Variants in UVRAG observed in about 807,000 individuals in gnomAD.
UVRAG encodes the protein UV radiation resistance-associated gene protein.
A neutral mutation model predicts 78.0 loss-of-function variants in UVRAG; 19 were observed. That is an observed-to-expected ratio of 0.24 (90% CI 0.17 to 0.36). The LOEUF is 0.36. UVRAG is among the 10% of genes least tolerant of loss of function. The pLI is 1.00. For synonymous variants in UVRAG, 323 were observed against 324.6 expected (o/e 1.00, Z 0.05); for missense variants, 740 against 853.8 (o/e 0.87, Z 1.66).
chr11:75,969,634 TATA>T (rs1949087870), intron 7 of UVRAG, among the ~76,000 whole-genome samples: 1 of 152,190 alleles, frequency 6.6e-6, no homozygotes, highest in African/African-American at 2.4e-5. Context: ...TCAAGCTAAA[TATA>T]ATAATGATTG....
At chr11:75,876,177 A>T (rs1946775075) in intron 3 of UVRAG, among the ~76,000 whole-genome samples, 1 of 152,158 alleles carries the variant, frequency 6.6e-6, no homozygotes, top group Non-Finnish European at 1.5e-5. Context: ...ATTATTATTT[A>T]AAAAATATTT....
chr11:76,113,609 A>G (rs567708691), intron 13 of UVRAG, among the ~76,000 whole-genome samples: 14 of 152,180 alleles, frequency 9.2e-5, no homozygotes, highest in African/African-American at 3.4e-4. Flanking sequence ...ATAATAATAT[A>G]TGTGTTATGT....
intron 6 of UVRAG, among the ~76,000 whole-genome samples, chr11:75,932,791 T>A (rs1345033355): frequency 2.6e-5 from 4 of 152,100 alleles, no homozygotes; most frequent in Non-Finnish European, 5.9e-5. Context: ...TATCTAGGAA[T>A]TAACTAAAGA....
At chr11:76,010,116 T>C (rs1357126161) in intron 11 of UVRAG, among the ~76,000 whole-genome samples, 3 of 152,216 alleles carry the variant, frequency 2.0e-5, no homozygotes, top group Admixed American at 6.5e-5. Flanking sequence ...TGTTTTGATA[T>C]TAATTTTAGG....
chr11:76,000,933 C>T (rs1044636924), intron 8 of UVRAG, among the ~76,000 whole-genome samples: 1 of 152,164 alleles, frequency 6.6e-6, no homozygotes, highest in African/African-American at 2.4e-5. Flanking sequence ...GAAACCACAA[C>T]ACTCATCCTC....
intron 11 of UVRAG, 152 bp from the exon 12 acceptor site, chr11:76,016,663 A>G (rs183044525): frequency 1.5e-3 from 1,000 of 658,602 alleles, no homozygotes; most frequent in Non-Finnish European, 2.0e-3. Flanking sequence ...TAATGTGTTT[A>G]CATTTGCATA....
chr11:75,818,136 T>C (rs925114528), intron 1 of UVRAG, among the ~76,000 whole-genome samples: 4 of 152,250 alleles, frequency 2.6e-5, no homozygotes, highest in Admixed American at 2.0e-4. Flanking sequence ...AGTCCTCCTA[T>C]GTTCTCTTCC....
At chr11:75,936,639 C>T (rs1948378471) in intron 6 of UVRAG, among the ~76,000 whole-genome samples, 1 of 152,134 alleles carries the variant, frequency 6.6e-6, no homozygotes, top group South Asian at 2.1e-4. Flanking sequence ...TTGAGTATGT[C>T]CTTACTTTCT....
intron 13 of UVRAG, 48 bp downstream of exon 13, chr11:76,065,836 T>A: frequency 6.4e-7 from 1 of 1,561,856 alleles, no homozygotes; most frequent in East Asian, 2.2e-5. Context: ...GCACAGCCTG[T>A]TTCCTTAGAT....
Position 75,985,402 on chromosome 11 carries a change from G to A in UVRAG, c.826+1889G>A, listed in dbSNP as rs1288920128. 2.6e-5 allele frequency among the ~76,000 whole-genome samples: 4 copies of A among 151,740 alleles called. No homozygotes were observed. In the South Asian group the frequency reaches 6.2e-4, roughly 24 times the overall value. ...TTTTGCCCATTAATAAAAAAAGTTT[G>A]GTTTGACTGTCTTTTTGTTTGTAAG... On this transcript the variant is annotated intron_variant, in intron 8 of 14. Coordinates refer to ENST00000356136, the MANE Select transcript of UVRAG (RefSeq NM_003369.4).
chr11:76,011,043 C>G (rs573759970), intron 11 of UVRAG, among the ~76,000 whole-genome samples: 2 of 152,150 alleles, frequency 1.3e-5, no homozygotes, highest in Non-Finnish European at 2.9e-5. Context: ...GGTCTGATTA[C>G]TCTGAGATGT....
intron 13 of UVRAG, among the ~76,000 whole-genome samples, chr11:76,089,917 G>A (rs1447411062): frequency 6.6e-6 from 1 of 152,038 alleles, no homozygotes; most frequent in African/African-American, 2.4e-5. Flanking sequence ...ACCCCGTTTT[G>A]GCCAGAAGGA....
chr11:76,011,617 C>G (rs1198940050), intron 11 of UVRAG, among the ~76,000 whole-genome samples: 1 of 152,184 alleles, frequency 6.6e-6, no homozygotes, highest in Non-Finnish European at 1.5e-5. Context: ...GAGTGAGACT[C>G]TGTCTAAAAA....
chr11:76,020,649 CTTTTTTTTTTTTTT>C (rs35112254), intron 12 of UVRAG, among the ~76,000 whole-genome samples: 20 of 52,284 alleles, frequency 3.8e-4, no homozygotes, highest in Non-Finnish European at 6.1e-4. Context: ...AAGAAGGAGT[CTTTTTTTTTTTTTT>C]TTTTTTTTTT....
intron 11 of UVRAG, among the ~76,000 whole-genome samples, chr11:76,012,321 A>G (rs34016600): frequency 6.9e-6 from 1 of 144,162 alleles, no homozygotes; most frequent in South Asian, 2.2e-4. Flanking sequence ...TTAAAAAAGG[A>G]AAAAAAAAAA....
chr11:76,009,299 T>C (rs1950007254), intron 11 of UVRAG, among the ~76,000 whole-genome samples: 1 of 152,190 alleles, frequency 6.6e-6, no homozygotes, highest in Non-Finnish European at 1.5e-5. Context: ...AAGTTTCCAT[T>C]ACCACAGGCT....
At chr11:75,816,438 A>T (rs1265228274) in intron 1 of UVRAG, among the ~76,000 whole-genome samples, 1 of 152,222 alleles carries the variant, frequency 6.6e-6, no homozygotes, top group Non-Finnish European at 1.5e-5. Context: ...CTCTCCCTTT[A>T]TTCCTCCTGC....
intron 12 of UVRAG, among the ~76,000 whole-genome samples, chr11:76,051,269 A>C (rs1249173334): frequency 6.7e-6 from 1 of 150,306 alleles, no homozygotes; most frequent in East Asian, 1.9e-4. Flanking sequence ...TTTTTTTCTT[A>C]ACATTTACAG....
At chr11:75,941,811 C>T (rs1019976450) in intron 6 of UVRAG, among the ~76,000 whole-genome samples, 1 of 152,088 alleles carries the variant, frequency 6.6e-6, no homozygotes, top group African/African-American at 2.4e-5. Context: ...TGTGGAACTT[C>T]AGGGCCAGGT....
Sources: gnomAD v4.1 joint callset for allele counts (sites outside exome capture counted in the v4.1 genomes callset) on GRCh38, gnomAD v4.1.1 for gene constraint, MANE v1.5 for transcripts, NCBI Gene and HGNC (gene_info 2026-07-23, HGNC 2026-07-21) for gene names.